The following SLC39A9 variants were observed in gnomAD, a reference collection of about 807,000 sequenced individuals.
The protein encoded by SLC39A9 is zinc transporter ZIP9.
A neutral mutation model predicts 28.4 loss-of-function variants in SLC39A9; 14 were observed. That is an observed-to-expected ratio of 0.49 (90% CI 0.33 to 0.77). The LOEUF is 0.77. Ranked by LOEUF, SLC39A9 falls within the 30% of genes least tolerant of loss-of-function variation. The pLI is 0.02. For synonymous variants in SLC39A9, 119 were observed against 149.6 expected (o/e 0.80, Z 1.49); for missense variants, 283 against 381.1 (o/e 0.74, Z 2.14).
intron 1 of SLC39A9, among the ~76,000 whole-genome samples, chr14:69,417,876 T>C (rs528231275): frequency 4.0e-4 from 61 of 152,276 alleles, no homozygotes; most frequent in Middle Eastern, 3.4e-3. Context: ...TGGGCTGAGA[T>C]GATGGGTTTT....
chr14:69,429,633 G>T (rs1299025849), intron 2 of SLC39A9, among the ~76,000 whole-genome samples: 2 of 152,228 alleles, frequency 1.3e-5, no homozygotes, highest in Admixed American at 1.3e-4. Context: ...TGGGGGGATT[G>T]CTTGAGCCTG....
At chr14:69,449,608 G>C (rs1273777814) in intron 3 of SLC39A9, among the ~76,000 whole-genome samples, 2 of 152,148 alleles carry the variant, frequency 1.3e-5, no homozygotes, top group Non-Finnish European at 2.9e-5. Context: ...CTGAGTGACA[G>C]AGGAAGACCC....
At chr14:69,416,540 T>C (rs1883588936) in intron 1 of SLC39A9, among the ~76,000 whole-genome samples, 2 of 152,214 alleles carry the variant, frequency 1.3e-5, no homozygotes, top group South Asian at 4.1e-4. Context: ...CCTTGAGGAA[T>C]CACCACACTG....
intron 1 of SLC39A9, among the ~76,000 whole-genome samples, chr14:69,415,989 T>C (rs1352320397): frequency 6.6e-6 from 1 of 152,158 alleles, no homozygotes; most frequent in Non-Finnish European, 1.5e-5. Context: ...GTTACATATG[T>C]ATACATGTGC....
chr14:69,403,675 G>A (rs1324458369), intron 1 of SLC39A9, among the ~76,000 whole-genome samples: 1 of 152,144 alleles, frequency 6.6e-6, no homozygotes, highest in East Asian at 1.9e-4. Context: ...AATTTCTGAA[G>A]GCTTTATCTC....
At chr14:69,426,797 A>T (rs1313882248) in intron 2 of SLC39A9, among the ~76,000 whole-genome samples, 1 of 152,222 alleles carries the variant, frequency 6.6e-6, no homozygotes, top group Non-Finnish European at 1.5e-5. Context: ...TATGTAAGTT[A>T]TGAACCAGGA....
intron 2 of SLC39A9, among the ~76,000 whole-genome samples, chr14:69,433,809 A>C (rs997259046): frequency 2.0e-5 from 3 of 151,738 alleles, no homozygotes; most frequent in African/African-American, 7.3e-5. Flanking sequence ...TCTTTGAGGC[A>C]GGGTCTCACT....
chr14:69,445,375 A>G (rs1346965974), intron 3 of SLC39A9, among the ~76,000 whole-genome samples: 1 of 152,146 alleles, frequency 6.6e-6, no homozygotes, highest in Non-Finnish European at 1.5e-5. Context: ...ATCCACTTCC[A>G]CTTAATAGTA....
chr14:69,434,999 A>G (rs976177227), intron 2 of SLC39A9, among the ~76,000 whole-genome samples: 2 of 152,178 alleles, frequency 1.3e-5, no homozygotes, highest in African/African-American at 4.8e-5. Context: ...TGCTTTTTTA[A>G]TGGTCCAGAA....
chr14:69,460,452 G>A lies in SLC39A9; in HGVS notation c.*1859G>A, dbSNP rs1431386767. 1 of 985,356 alleles carries A rather than the reference G, an allele frequency of 1.0e-6. No individual in the cohort carries two copies. Among genetic ancestry groups the A allele is most frequent in the Admixed American group, 6.1e-5 (1 of 16,266 alleles). 61.0% of individuals were successfully genotyped at this position (985,356 alleles called of 1,614,324 possible). A position where few individuals can be genotyped will look rare whatever the true frequency, so the allele number is the denominator to read the frequency against. Reference sequence around the variant, plus strand: ...TTGATTGGATGTTAACAGCTGACTGGTGTGAGACTTGAGGTTTCATCTAGT... The same window carrying A: ...TTGATTGGATGTTAACAGCTGACTGATGTGAGACTTGAGGTTTCATCTAGT... On this transcript the variant is annotated 3_prime_UTR_variant, in exon 7 of 7. Coordinates refer to ENST00000336643, the MANE Select transcript of SLC39A9 (RefSeq NM_018375.5).
intron 2 of SLC39A9, among the ~76,000 whole-genome samples, chr14:69,437,196 A>C (rs144626105): frequency 6.6e-6 from 1 of 152,120 alleles, no homozygotes; most frequent in Admixed American, 6.5e-5. Context: ...TGCTCTGGCC[A>C]GAAAGATGGG....
intron 1 of SLC39A9, among the ~76,000 whole-genome samples, chr14:69,406,924 C>T (rs1442410571): frequency 7.3e-6 from 1 of 136,090 alleles, no homozygotes; most frequent in African/African-American, 2.8e-5. Context: ...GATCTCAGCT[C>T]ACTGCAACCT....
chr14:69,404,389 C>G (rs1385272086), intron 1 of SLC39A9, among the ~76,000 whole-genome samples: 1 of 152,116 alleles, frequency 6.6e-6, no homozygotes, highest in Non-Finnish European at 1.5e-5. Context: ...CTATTAAAAT[C>G]CAAATCTCTT....
intron 3 of SLC39A9, among the ~76,000 whole-genome samples, chr14:69,449,615 A>G (rs561557797): frequency 6.6e-6 from 1 of 152,110 alleles, no homozygotes; most frequent in African/African-American, 2.4e-5. Context: ...ACAGAGGAAG[A>G]CCCTGTGTCT....
At chr14:69,443,145 A>G (rs1885126054) in intron 3 of SLC39A9, among the ~76,000 whole-genome samples, 1 of 152,244 alleles carries the variant, frequency 6.6e-6, no homozygotes. Flanking sequence ...GATACATGAT[A>G]CACTTCGATC....
Position 69,461,463 on chromosome 14 carries a change from A to G in SLC39A9, c.*2870A>G, listed in dbSNP as rs1462081164. The G allele has an allele frequency of 2.9e-6, 4 of 1,372,468 alleles. No homozygotes were observed. In the African/African-American group the frequency reaches 5.8e-5, roughly 20 times the overall value. The allele number at this position is 1,372,468 out of a possible 1,614,324, so 85.0% of individuals were successfully genotyped here. A position where few individuals can be genotyped will look rare whatever the true frequency, so the allele number is the denominator to read the frequency against. On this transcript the variant is annotated 3_prime_UTR_variant, in exon 7 of 7. Transcript: ENST00000336643. The stretch of plus-strand genomic sequence containing the variant: ...CACTGGAACGTAGACAGTTGGAAAC[A>G]GTACTACCTACCTAGAGGTTATGTG...
chr14:69,455,596 A>C (rs1885819797), intron 5 of SLC39A9, 136 bp from the exon 6 acceptor site: 5 of 1,174,864 alleles, frequency 4.3e-6, no homozygotes, highest in Non-Finnish European at 6.0e-6. Context: ...CTAGGATTAC[A>C]GGCATTAGCC....
chr14:69,434,618 A>G (rs1169896042), intron 2 of SLC39A9, among the ~76,000 whole-genome samples: 1 of 152,108 alleles, frequency 6.6e-6, no homozygotes, highest in Non-Finnish European at 1.5e-5. Context: ...GCAGTGAGCC[A>G]TGCCATGATT....
chr14:69,441,839 G>A, intron 2 of SLC39A9: 1 of 1,277,324 alleles, frequency 7.8e-7, no homozygotes, highest in South Asian at 2.0e-5. Context: ...CAGGTGTTGA[G>A]AATAATAGGC....
Sources: gnomAD v4.1 joint callset for allele counts (sites outside exome capture counted in the v4.1 genomes callset) on GRCh38, gnomAD v4.1.1 for gene constraint, MANE v1.5 for transcripts, NCBI Gene and HGNC (gene_info 2026-07-23, HGNC 2026-07-21) for gene names.